Variants in TMEM108 observed in about 807,000 individuals in gnomAD.
TMEM108 encodes the protein transmembrane protein 108, also known as cancer/testis antigen 124.
A neutral mutation model predicts 35.1 loss-of-function variants in TMEM108; 12 were observed. The observed-to-expected ratio is 0.34, with a 90% CI of 0.22 to 0.55. The LOEUF (loss-of-function observed/expected upper bound fraction) is 0.55. Among genes scored for constraint, TMEM108 ranks in the 20% least tolerant of loss-of-function variants. The pLI, the probability that TMEM108 is intolerant of heterozygous loss-of-function variation, is 0.89. For missense variants in TMEM108, 680 were observed against 753.3 expected (o/e 0.90, Z 1.14); for synonymous variants, 287 against 308.6 (o/e 0.93, Z 0.73).
At chr3:133,093,713 A>T (rs1395070960) in intron 2 of TMEM108, among the ~76,000 whole-genome samples, 6 of 152,190 alleles carry the variant, frequency 3.9e-5, no homozygotes, top group Non-Finnish European at 1.5e-5. Context: ...TCTGATGGGG[A>T]CGGAGATGGA....
At chr3:133,132,618 G>A (rs1052814629) in intron 2 of TMEM108, among the ~76,000 whole-genome samples, 2 of 152,114 alleles carry the variant, frequency 1.3e-5, no homozygotes, top group African/African-American at 4.8e-5. Flanking sequence ...GGAGATTCTT[G>A]TTTTCATGTC....
At chr3:133,152,084 G>A (rs1048605187) in intron 2 of TMEM108, among the ~76,000 whole-genome samples, 1 of 152,142 alleles carries the variant, frequency 6.6e-6, no homozygotes, top group African/African-American at 2.4e-5. Flanking sequence ...CCATGAATGA[G>A]CTTCATCAGT....
intron 3 of TMEM108, among the ~76,000 whole-genome samples, chr3:133,367,954 T>C (rs1049149737): frequency 3.3e-5 from 5 of 152,236 alleles, no homozygotes; most frequent in African/African-American, 7.2e-5. Context: ...TTCTCAGGCA[T>C]GATCAGGCCA....
At chr3:133,187,100 C>A (rs1445005055) in intron 2 of TMEM108, among the ~76,000 whole-genome samples, 1 of 152,178 alleles carries the variant, frequency 6.6e-6, no homozygotes, top group African/African-American at 2.4e-5. Context: ...AATTTTGAGT[C>A]CACATGCTTA....
At position 133,057,585 on chromosome 3, in the gene TMEM108, T is replaced by C. The variant is rs1943486385; in HGVS notation, c.-47+11565T>C. On this transcript the variant is annotated intron_variant, in intron 2 of 5. Coordinates refer to ENST00000321871, the MANE Select transcript of TMEM108 (RefSeq NM_023943.4). ...TTGGGGTTCTTCTGCATTCTTTGGT[T>C]ATTCATGATATTGCTAACTGAACCT... Among the ~76,000 whole-genome samples the C allele has an allele frequency of 4.0e-5, 6 of 151,592 alleles. No individual in the cohort carries two copies. In the South Asian group the frequency reaches 1.3e-3, roughly 32 times the overall value.
At chr3:133,243,670 G>A (rs1461975875) in intron 3 of TMEM108, among the ~76,000 whole-genome samples, 5 of 152,076 alleles carry the variant, frequency 3.3e-5, no homozygotes, top group Non-Finnish European at 7.4e-5. Context: ...ACAGGCGCCT[G>A]CCACCACGCC....
At chr3:133,278,202 A>G (rs981234112) in intron 3 of TMEM108, among the ~76,000 whole-genome samples, 2 of 152,236 alleles carry the variant, frequency 1.3e-5, no homozygotes, top group African/African-American at 4.8e-5. Flanking sequence ...GTAAAAGTAA[A>G]GAGAAAAAAA....
intron 1 of TMEM108, among the ~76,000 whole-genome samples, chr3:133,044,872 A>G (rs1223392657): frequency 6.6e-6 from 1 of 152,152 alleles, no homozygotes; most frequent in Non-Finnish European, 1.5e-5. Flanking sequence ...TGCGAGGATC[A>G]CTTGAGCTGA....
intron 1 of TMEM108, among the ~76,000 whole-genome samples, chr3:133,038,810 G>C (rs1156681525): frequency 1.3e-5 from 2 of 152,228 alleles, no homozygotes; most frequent in African/African-American, 4.8e-5. Flanking sequence ...CTTTAATGCA[G>C]GGGGACCTGT....
rs555399089 is a variant in TMEM108 at position 133,346,957 on chromosome 3, G to C, written c.41-32795G>C. On this transcript the variant is annotated intron_variant, in intron 3 of 5. Transcript: ENST00000321871. This position sits in a 1 kb window ranked among gnomAD's most constrained non-coding sequence, Gnocchi z 4.0. ...TCAAAGATCAGTTGACTTTATTTGCGTGAGTCTGTCTCTGGACCCTATTCT... is the reference window on the plus strand; with the variant it reads ...TCAAAGATCAGTTGACTTTATTTGCCTGAGTCTGTCTCTGGACCCTATTCT... Among the ~76,000 whole-genome samples, 3 of 152,032 alleles carry C rather than the reference G, an allele frequency of 2.0e-5. No individual in the cohort carries two copies. Among genetic ancestry groups the C allele is most frequent in the Non-Finnish European group, 2.9e-5 (2 of 67,948 alleles).
intron 3 of TMEM108, among the ~76,000 whole-genome samples, chr3:133,321,276 C>G (rs981894233): frequency 1.3e-5 from 2 of 152,112 alleles, no homozygotes; most frequent in African/African-American, 2.4e-5. Context: ...AGAGACTCAC[C>G]TAACACATAA....
At chr3:133,121,010 T>G (rs1159924425) in intron 2 of TMEM108, 1 of 152,262 alleles carries the variant, frequency 6.6e-6, no homozygotes, top group African/African-American at 2.4e-5. Context: ...GTTATCTCAT[T>G]TGATCTGATA....
chr3:133,234,907 C>A (rs1406466171), intron 3 of TMEM108, among the ~76,000 whole-genome samples: 2 of 152,210 alleles, frequency 1.3e-5, no homozygotes, highest in South Asian at 4.1e-4. Flanking sequence ...TCAACAGTCT[C>A]AGGATACAAA....
chr3:133,173,634 C>T (rs1044081437), intron 2 of TMEM108, among the ~76,000 whole-genome samples: 1 of 152,180 alleles, frequency 6.6e-6, no homozygotes, highest in African/African-American at 2.4e-5. Flanking sequence ...TGTATCAGCA[C>T]ACATATGCAA....
intron 3 of TMEM108, among the ~76,000 whole-genome samples, chr3:133,275,826 C>A (rs1946831298): frequency 2.0e-5 from 3 of 152,100 alleles, no homozygotes; most frequent in Non-Finnish European, 2.9e-5. Flanking sequence ...AAAAAACTTT[C>A]ATTTTTCAGA....
chr3:133,078,196 A>G (rs951123837), intron 2 of TMEM108, among the ~76,000 whole-genome samples: 4 of 128,072 alleles, frequency 3.1e-5, no homozygotes, highest in African/African-American at 8.7e-5. Context: ...TGTATATCTC[A>G]GATCTTTGTT....
intron 2 of TMEM108, among the ~76,000 whole-genome samples, chr3:133,195,931 C>T (rs1056028892): frequency 2.0e-5 from 3 of 152,200 alleles, no homozygotes; most frequent in Non-Finnish European, 4.4e-5. Context: ...CATGCCAGTA[C>T]TTCTTGCAGG....
chr3:133,332,241 C>T (rs2071404760), intron 3 of TMEM108, among the ~76,000 whole-genome samples: 1 of 152,174 alleles, frequency 6.6e-6, no homozygotes, highest in South Asian at 2.1e-4. Flanking sequence ...ATAAATGGTA[C>T]AGTGAATCTC....
chr3:133,177,722 A>C (rs977032386), intron 2 of TMEM108, among the ~76,000 whole-genome samples: 3 of 152,156 alleles, frequency 2.0e-5, no homozygotes, highest in African/African-American at 4.8e-5. Context: ...AATGGGCAAA[A>C]ACTGGAAGCA....
Sources: gnomAD v4.1 joint callset for allele counts (sites outside exome capture counted in the v4.1 genomes callset) on GRCh38, gnomAD v4.1.1 for gene constraint, Gnocchi (gnomAD v3.1) non-coding constraint, MANE v1.5 for transcripts, NCBI Gene and HGNC (gene_info 2026-07-23, HGNC 2026-07-21) for gene names.